The following PDE11A variants were observed in gnomAD, a reference collection of about 807,000 sequenced individuals.
PDE11A encodes phosphodiesterase 11A, also known as dual 3',5'-cyclic-AMP and -GMP phosphodiesterase 11A.
PDE11A carries 100 observed loss-of-function variants against 100.5 expected under a neutral mutation model. That is an observed-to-expected ratio of 1.00 (90% CI 0.85 to 1.18). The LOEUF (loss-of-function observed/expected upper bound fraction) is 1.18, where lower values mean the gene tolerates loss of function less well. Among genes scored for constraint, PDE11A ranks in the 50% most tolerant of loss-of-function variants. The probability of loss-of-function intolerance (pLI) is 0.00; values close to 1 mark genes in which losing one functional copy is unlikely to be tolerated. For missense variants in PDE11A, 1,141 were observed against 1,152.6 expected, an observed-to-expected ratio of 0.99 and a Z score of 0.15; for synonymous variants, 381 against 420.8, an observed-to-expected ratio of 0.91 and a Z score of 1.16.
chr2:177,821,500 T>G (rs2083138577), intron 6 of PDE11A, among the ~76,000 whole-genome samples: 1 of 151,896 alleles, frequency 6.6e-6, no homozygotes, highest in African/African-American at 2.4e-5. Flanking sequence ...ATAATAAAAT[T>G]GCTGAGTTAT....
At chr2:178,105,820 T>C (rs2087611166) in intron 1 of PDE11A, 1 of 631,520 alleles carries the variant, frequency 1.6e-6, no homozygotes, top group East Asian at 4.3e-5. Context: ...ACTGGGACCT[T>C]GGCCAGATTT....
At chr2:177,668,178 TC>T (rs1312716248) in intron 18 of PDE11A, among the ~76,000 whole-genome samples, 1 of 152,156 alleles carries the variant, frequency 6.6e-6, no homozygotes, top group Non-Finnish European at 1.5e-5. Context: ...AGATAAAGGC[TC>T]CTTAGTGCTG....
intron 1 of PDE11A, among the ~76,000 whole-genome samples, chr2:178,040,349 C>A (rs1432444174): frequency 1.3e-5 from 2 of 152,098 alleles, no homozygotes; most frequent in African/African-American, 4.8e-5. Flanking sequence ...AGCCATCGCA[C>A]CCAGCTAGTG....
chr2:177,857,517 G>T (rs2083862088), intron 5 of PDE11A, among the ~76,000 whole-genome samples: 1 of 152,032 alleles, frequency 6.6e-6, no homozygotes, highest in East Asian at 1.9e-4. Flanking sequence ...GATGTAATTA[G>T]TAGGACAACA....
At chr2:177,905,776 G>A (rs2084776663) in intron 2 of PDE11A, among the ~76,000 whole-genome samples, 1 of 152,182 alleles carries the variant, frequency 6.6e-6, no homozygotes, top group Non-Finnish European at 1.5e-5. Context: ...TTCTAATTGT[G>A]TCTGCCACTG....
chr2:177,662,766 T>G (rs1481755560), intron 19 of PDE11A, among the ~76,000 whole-genome samples: 1 of 152,236 alleles, frequency 6.6e-6, no homozygotes, highest in Non-Finnish European at 1.5e-5. Context: ...ATGGCTAATA[T>G]AAAACAAAAA....
rs371235831 is a variant in PDE11A, at chr2:177,818,690, G to C, written c.1577-765C>G. On this transcript the variant is annotated intron_variant, in intron 7 of 19. Transcript: ENST00000286063. ...AGTTAGTTCTGTTTCCTGCTACCAGGGGGTACATATAGTTCTACAAATCTT... is the reference window on the plus strand; with the variant it reads ...AGTTAGTTCTGTTTCCTGCTACCAGCGGGTACATATAGTTCTACAAATCTT... Among the ~76,000 whole-genome samples, 237 of 152,020 alleles carry C rather than the reference G, an allele frequency of 1.6e-3. 2 individuals are homozygous for C. The highest frequency in any genetic ancestry group is 5.5e-3 in the African/African-American group (228 of 41,486).
At chr2:177,910,450 A>T (rs928412504) in intron 2 of PDE11A, among the ~76,000 whole-genome samples, 13 of 151,936 alleles carry the variant, frequency 8.6e-5, no homozygotes, top group Non-Finnish European at 1.8e-4. Context: ...ATATATACAC[A>T]CACACACATA....
rs879593871 is a variant in PDE11A, at chr2:177,660,120, TTTCTTTCTTTCA to T, written c.2646+3734_2646+3745del. On this transcript the variant is annotated intron_variant, in intron 19 of 19. Transcript: ENST00000286063. ...CTTTCTCTCTCTCTCTCTTTCTTTC[TTTCTTTCTTTCA>T]TTCCTTCTCTCTCTTTCTTTCTTCT... 5.3e-3 allele frequency among the ~76,000 whole-genome samples: 548 copies of T among 103,642 alleles called. 31 individuals carry two copies. The highest frequency in any genetic ancestry group is 9.9e-3 in the Middle Eastern group (2 of 202). 68.0% of individuals were successfully genotyped at this position (103,642 alleles called of 152,430 possible).
intron 2 of PDE11A, among the ~76,000 whole-genome samples, chr2:178,082,411 A>G (rs1433833595): frequency 1.3e-5 from 2 of 152,198 alleles, no homozygotes; most frequent in Non-Finnish European, 2.9e-5. Context: ...TTTAAAAACC[A>G]TATGTCAACT....
At chr2:177,850,383 T>G (rs1428898998) in intron 5 of PDE11A, among the ~76,000 whole-genome samples, 2 of 152,114 alleles carry the variant, frequency 1.3e-5, no homozygotes, top group Non-Finnish European at 2.9e-5. Flanking sequence ...CAAAAATTAA[T>G]TCAAGATGGA....
chr2:177,920,292 A>G (rs995272550), intron 2 of PDE11A, among the ~76,000 whole-genome samples: 2 of 152,100 alleles, frequency 1.3e-5, no homozygotes, highest in African/African-American at 4.8e-5. Flanking sequence ...ATTATTTGCA[A>G]TGTTTATGAT....
chr2:178,106,937 G>A (rs1247781382), intron 1 of PDE11A, among the ~76,000 whole-genome samples: 2 of 141,000 alleles, frequency 1.4e-5, no homozygotes, highest in East Asian at 2.0e-4. Context: ...TCCAGCCTGG[G>A]CGACAAAGCA....
At chr2:177,656,517 AC>A (rs1287505738) in intron 19 of PDE11A, among the ~76,000 whole-genome samples, 1 of 151,596 alleles carries the variant, frequency 6.6e-6, no homozygotes, top group Admixed American at 6.5e-5. Context: ...TAACTAAATG[AC>A]ATTATAAGCT....
intron 5 of PDE11A, among the ~76,000 whole-genome samples, chr2:177,860,221 CAA>C (rs34364822): frequency 1.5e-5 from 2 of 137,052 alleles, no homozygotes; most frequent in Non-Finnish European, 3.2e-5. Context: ...CTAGTTTTGC[CAA>C]AAAAAAAAAG....
Position 177,647,688 on chromosome 2 carries a change from A to G in PDE11A, c.2646+16178T>C, listed in dbSNP as rs951752422. ...ATGAATCCCAATGTCCCGGATCTACAGAGGACCAGACCCAAAGCATCGAGG... is the reference window on the plus strand; with the variant it reads ...ATGAATCCCAATGTCCCGGATCTACGGAGGACCAGACCCAAAGCATCGAGG... On this transcript the variant is annotated intron_variant, in intron 19 of 19. Coordinates refer to ENST00000286063, the MANE Select transcript of PDE11A (RefSeq NM_016953.4). Among the ~76,000 whole-genome samples the G allele has an allele frequency of 5.9e-5, 9 of 152,346 alleles. 1 individual carries two copies. Among genetic ancestry groups the G allele is most frequent in the African/African-American group, 2.2e-4 (9 of 41,572 alleles).
At chr2:178,057,785 AG>A (rs1172547406) in intron 1 of PDE11A, among the ~76,000 whole-genome samples, 1 of 152,156 alleles carries the variant, frequency 6.6e-6, no homozygotes, top group Non-Finnish European at 1.5e-5. Context: ...CCAGTTGACC[AG>A]GGAACCTGTC....
At chr2:177,987,641 G>A (rs1397079314) in intron 2 of PDE11A, among the ~76,000 whole-genome samples, 4 of 152,140 alleles carry the variant, frequency 2.6e-5, no homozygotes, top group African/African-American at 9.7e-5. Flanking sequence ...ACAGGCTGCT[G>A]TCTCTAGAAT....
intron 9 of PDE11A, among the ~76,000 whole-genome samples, chr2:177,777,163 A>T (rs2082389638): frequency 6.6e-6 from 1 of 152,154 alleles, no homozygotes; most frequent in African/African-American, 2.4e-5. Flanking sequence ...TTAGCAGAGT[A>T]AGAAGGAACT....
Sources: allele counts gnomAD v4.1 joint callset (sites outside exome capture counted in the v4.1 genomes callset), GRCh38; gene constraint gnomAD v4.1.1; transcripts MANE v1.5; gene names NCBI Gene and HGNC (gene_info 2026-07-23, HGNC 2026-07-21).